The following SLC25A48 variants were observed in gnomAD, a reference collection of about 807,000 sequenced individuals.
The protein encoded by SLC25A48 is CTC-321K16.1.
A neutral mutation model predicts 32.2 loss-of-function variants in SLC25A48; 29 were observed. That is an observed-to-expected ratio of 0.90 (90% confidence interval 0.67 to 1.23). The LOEUF (loss-of-function observed/expected upper bound fraction) is 1.23, where lower values mean the gene tolerates loss of function less well. Among genes scored for constraint, SLC25A48 ranks in the 50% most tolerant of loss-of-function variants. SLC25A48 has a pLI of 0.00. For missense variants in SLC25A48, 399 were observed against 422.7 expected (o/e 0.94, Z 0.49); for synonymous variants, 164 against 172.3 (o/e 0.95, Z 0.38).
intron 4 of SLC25A48, among the ~76,000 whole-genome samples, chr5:135,818,376 T>C (rs1040765430): frequency 3.3e-5 from 5 of 152,092 alleles, no homozygotes; most frequent in African/African-American, 1.2e-4. Context: ...TATGCATGAG[T>C]GGGATAGATC....
intron 3 of SLC25A48, among the ~76,000 whole-genome samples, chr5:135,731,251 C>A (rs1311835200): frequency 1.3e-5 from 2 of 152,072 alleles, no homozygotes; most frequent in Non-Finnish European, 2.9e-5. Flanking sequence ...TTTCACAAGG[C>A]AGTGTCATCA....
At chr5:135,776,657 G>A (rs779663973) in intron 3 of SLC25A48, among the ~76,000 whole-genome samples, 27 of 151,254 alleles carry the variant, frequency 1.8e-4, no homozygotes, top group Non-Finnish European at 2.5e-4. Context: ...ACATCCAGGG[G>A]GAGGGAGAGT....
chr5:135,720,607 T>C (rs762421376), intron 3 of SLC25A48, among the ~76,000 whole-genome samples: 19 of 152,226 alleles, frequency 1.2e-4, no homozygotes, highest in South Asian at 2.1e-4. Context: ...GGGTTGATGC[T>C]GTGGCTCCCG....
chr5:135,782,065 T>C (rs12187279), intron 3 of SLC25A48, among the ~76,000 whole-genome samples: 46,188 of 113,422 alleles, frequency 0.41, 17,907 homozygotes, highest in Middle Eastern at 0.64. Context: ...TCTGTGATAC[T>C]GTTTTTAATA....
At chr5:135,883,662 C>G (rs1389386888) in intron 7 of SLC25A48, among the ~76,000 whole-genome samples, 1 of 152,146 alleles carries the variant, frequency 6.6e-6, no homozygotes, top group East Asian at 1.9e-4. Flanking sequence ...AGTGGTTGAA[C>G]AGGGTGATGA....
rs138890778 is a variant in SLC25A48, at chr5:135,648,111, A to G, written c.-521+13155A>G. ...GTCTTATGAAGTACAGGTAGCCTCA[A>G]CCCCCAAATTAGTGCAGAGTTTGAA... is the stretch of plus-strand genomic sequence containing the variant. On this transcript the variant is annotated intron_variant, in intron 3 of 10. Transcript: ENST00000646290. 5.4e-3 allele frequency among the ~76,000 whole-genome samples: 821 copies of G among 152,120 alleles called. 6 individuals carry two copies. The highest frequency in any genetic ancestry group is 0.019 in the African/African-American group (769 of 41,492).
chr5:135,645,132 G>A (rs1057247512), intron 3 of SLC25A48, among the ~76,000 whole-genome samples: 2 of 152,194 alleles, frequency 1.3e-5, no homozygotes, highest in East Asian at 1.9e-4. Context: ...GTACGGGAGC[G>A]TTGATATAAT....
intron 3 of SLC25A48, among the ~76,000 whole-genome samples, chr5:135,761,779 C>T (rs183708892): frequency 3.3e-5 from 5 of 152,166 alleles, no homozygotes; most frequent in Non-Finnish European, 7.4e-5. Flanking sequence ...GGAGGAGGGT[C>T]GGTGAGATGG....
At chr5:135,678,377 T>C (rs1399230555) in intron 3 of SLC25A48, among the ~76,000 whole-genome samples, 1 of 152,218 alleles carries the variant, frequency 6.6e-6, no homozygotes, top group Non-Finnish European at 1.5e-5. Flanking sequence ...TTGTGTTTGG[T>C]TCTTTTTAAT....
intron 4 of SLC25A48, among the ~76,000 whole-genome samples, chr5:135,855,823 A>T (rs1760269165): frequency 6.6e-6 from 1 of 152,200 alleles, no homozygotes; most frequent in Non-Finnish European, 1.5e-5. Context: ...GCAGCAGGCG[A>T]GGCCTTGCTC....
At chr5:135,786,397 TG>T (rs1286280962) in intron 3 of SLC25A48, among the ~76,000 whole-genome samples, 1 of 152,122 alleles carries the variant, frequency 6.6e-6, no homozygotes, top group African/African-American at 2.4e-5. Flanking sequence ...AATGTCACAG[TG>T]GGTCTACGCC....
chr5:135,593,070 C>T (rs1392811017), intron 1 of SLC25A48, among the ~76,000 whole-genome samples: 1 of 152,172 alleles, frequency 6.6e-6, no homozygotes. Flanking sequence ...TCCCGGCTTC[C>T]TGACTCCTGT....
chr5:135,674,123 T>C (rs907673397), intron 3 of SLC25A48, among the ~76,000 whole-genome samples: 1 of 152,008 alleles, frequency 6.6e-6, no homozygotes, highest in African/African-American at 2.4e-5. Context: ...GTAGCTTTAT[T>C]TTTAATTTTA....
chr5:135,790,070 C>A (rs1437093641), intron 3 of SLC25A48, among the ~76,000 whole-genome samples: 1 of 151,672 alleles, frequency 6.6e-6, no homozygotes, highest in African/African-American at 2.4e-5. Flanking sequence ...TGGGAGTACA[C>A]CACGTGTGAT....
chr5:135,726,138 G>C (rs9687551), intron 3 of SLC25A48, among the ~76,000 whole-genome samples: 41,412 of 152,150 alleles, frequency 0.27, 5,885 homozygotes, highest in East Asian at 0.47. Context: ...AGCAGTGCCT[G>C]AGTGCACACT....
At chr5:135,728,489 A>G (rs4976306) in intron 3 of SLC25A48, among the ~76,000 whole-genome samples, 115,518 of 151,992 alleles carry the variant, frequency 0.76, 44,513 homozygotes, top group Middle Eastern at 0.87. Context: ...CTATTCTCTT[A>G]TGTGGATACA....
At chr5:135,737,065 C>T (rs1482311828) in intron 3 of SLC25A48, among the ~76,000 whole-genome samples, 2 of 152,198 alleles carry the variant, frequency 1.3e-5, no homozygotes, top group Non-Finnish European at 2.9e-5. Flanking sequence ...GGGAGGTCCC[C>T]TGATCCGAGT....
chr5:135,731,203 T>G (rs781044839), intron 3 of SLC25A48, among the ~76,000 whole-genome samples: 1 of 151,638 alleles, frequency 6.6e-6, no homozygotes, highest in Non-Finnish European at 1.5e-5. Flanking sequence ...GTGGGGGTCA[T>G]AAGGTGCTCA....
intron 1 of SLC25A48, among the ~76,000 whole-genome samples, chr5:135,600,712 T>C (rs1751775176): frequency 6.6e-6 from 1 of 152,024 alleles, no homozygotes; most frequent in Admixed American, 6.5e-5. Flanking sequence ...AGATGGAGTC[T>C]CACTCTGTTG....
Sources: allele counts gnomAD v4.1 joint callset (sites outside exome capture counted in the v4.1 genomes callset), GRCh38; gene constraint gnomAD v4.1.1; transcripts MANE v1.5; gene names NCBI Gene and HGNC (gene_info 2026-07-23, HGNC 2026-07-21).